UNC5A: variants seen among roughly 807,000 people sequenced by gnomAD.
UNC5A encodes the protein unc-5 netrin receptor A.
Under a neutral mutation model 87.4 loss-of-function variants are expected in UNC5A, and 20 were observed. The ratio of observed to expected loss-of-function variants is 0.23; its 90% CI spans 0.16 to 0.33. The LOEUF (loss-of-function observed/expected upper bound fraction) is 0.33. Ranked by LOEUF, UNC5A falls within the 10% of genes least tolerant of loss-of-function variation. The pLI, the probability that UNC5A is intolerant of heterozygous loss-of-function variation, is 1.00. For missense variants in UNC5A, 844 were observed against 1,133.4 expected (o/e 0.74, Z 3.67); for synonymous variants, 438 against 482.3 (o/e 0.91, Z 1.20).
intron 2 of UNC5A, among the ~76,000 whole-genome samples, chr5:176,867,903 G>A (rs1302732783): frequency 2.6e-5 from 4 of 151,950 alleles, no homozygotes; most frequent in African/African-American, 9.7e-5. Context: ...TGCCTGCCCG[G>A]GGCCTTCAGG....
At position 176,879,865 on chromosome 5, in the gene UNC5A, A is replaced by C; in HGVS notation, c.2508A>C (p.Thr836=). ...GCCAGCCAGACGCTGGCCTCTTCAC[A>C]GTGTCGGAGGCTGAGTGCTGAGGCC... ...GLGQPDAGLF[T]VSEAEC The change falls in exon 15 of 15, where the codon ACA becomes ACC. Residue 836 remains threonine, a synonymous_variant. Transcript: ENST00000329542. 6.2e-7 allele frequency: 1 copy of C among 1,611,990 alleles called. No homozygotes were observed.
intron 1 of UNC5A, among the ~76,000 whole-genome samples, chr5:176,823,710 G>C (rs1003131961): frequency 6.6e-6 from 1 of 151,822 alleles, no homozygotes. Context: ...GGGAGACCCT[G>C]GACAGGGGCA....
At chr5:176,858,833 C>G (rs540325640) in intron 1 of UNC5A, among the ~76,000 whole-genome samples, 2 of 151,688 alleles carry the variant, frequency 1.3e-5, no homozygotes, top group Non-Finnish European at 2.9e-5. Flanking sequence ...AGGAAGCTCA[C>G]GCTAGTAGCC....
intron 1 of UNC5A, among the ~76,000 whole-genome samples, chr5:176,839,521 C>G (rs1365317418): frequency 6.6e-6 from 1 of 152,262 alleles, no homozygotes; most frequent in Non-Finnish European, 1.5e-5. Flanking sequence ...TCTGGACAGT[C>G]TCAGGCTGTC....
At chr5:176,850,799 G>A (rs1757522848) in intron 1 of UNC5A, among the ~76,000 whole-genome samples, 3 of 152,196 alleles carry the variant, frequency 2.0e-5, no homozygotes, top group South Asian at 4.1e-4. Context: ...TGCTGAGAAT[G>A]GGAATCAAAG....
At chr5:176,826,931 G>A (rs1405038603) in intron 1 of UNC5A, among the ~76,000 whole-genome samples, 3 of 151,968 alleles carry the variant, frequency 2.0e-5, no homozygotes, top group African/African-American at 4.8e-5. Flanking sequence ...GAGCCACCGC[G>A]CCCGGCCCAA....
Position 176,877,221 on chromosome 5 carries a change from A to G in UNC5A, c.1408A>G (p.Ile470Val), listed in dbSNP as rs761537189. 7 of 1,612,640 alleles carry G rather than the reference A, an allele frequency of 4.3e-6. No individual in the cohort carries two copies. The Admixed American group carries it at 1.2e-4, about 27-fold the overall frequency. Residue 470 changes from isoleucine to valine, a missense_variant, in exon 9 of 15, where the codon ATA (isoleucine) becomes GTA (valine). This residue lies in a region of UNC5A where 353 missense variants were observed against 387.5 expected (regional missense o/e 0.91). Coordinates refer to ENST00000329542, the MANE Select transcript of UNC5A (RefSeq NM_133369.3). The part of the protein sequence containing the change: ...GISLLIPPDA[I>V]PRGKIYEIYL... ...CAGCCTCCTCATCCCCCCAGATGCC[A>G]TACCCCGAGGGAAGATCTATGAGAT...
chr5:176,861,793 G>A (rs1003671979), intron 1 of UNC5A, among the ~76,000 whole-genome samples: 2 of 146,138 alleles, frequency 1.4e-5, no homozygotes, highest in South Asian at 2.2e-4. Context: ...TTGTGAATGC[G>A]CATTGGTGGG....
chr5:176,822,699 C>T (rs1756756394), intron 1 of UNC5A, among the ~76,000 whole-genome samples: 1 of 152,232 alleles, frequency 6.6e-6, no homozygotes, highest in Non-Finnish European at 1.5e-5. Context: ...TCCCTGGGCA[C>T]CCCCTGCCTC....
intron 1 of UNC5A, among the ~76,000 whole-genome samples, chr5:176,811,040 C>G (rs11135001): frequency 0.55 from 83,664 of 152,086 alleles, 24,678 homozygotes; most frequent in South Asian, 0.77. Context: ...GAGCAGCTGT[C>G]AGCCCGCGGG....
chr5:176,867,344 C>T (rs547038328), intron 2 of UNC5A, among the ~76,000 whole-genome samples: 224 of 152,262 alleles, frequency 1.5e-3, no homozygotes, highest in African/African-American at 4.7e-3. Context: ...GGGGCTGAGT[C>T]CAGCCTGGAG....
intron 1 of UNC5A, among the ~76,000 whole-genome samples, chr5:176,814,594 A>G (rs1312145221): frequency 1.3e-5 from 2 of 152,164 alleles, no homozygotes; most frequent in Admixed American, 1.3e-4. Flanking sequence ...CCTCCCCTGC[A>G]AAGGGGTCCT....
intron 1 of UNC5A, among the ~76,000 whole-genome samples, chr5:176,813,124 C>T (rs1164346465): frequency 6.6e-6 from 1 of 152,238 alleles, no homozygotes; most frequent in African/African-American, 2.4e-5. Context: ...CCTGCAGGCC[C>T]TCTCTGTGCC....
intron 1 of UNC5A, among the ~76,000 whole-genome samples, chr5:176,817,552 C>G (rs998302118): frequency 6.6e-6 from 1 of 152,038 alleles, no homozygotes; most frequent in Non-Finnish European, 1.5e-5. Context: ...CTGCATCTTT[C>G]CAGCACCGCC....
intron 2 of UNC5A, among the ~76,000 whole-genome samples, chr5:176,867,894 G>T (rs11954962): frequency 0.079 from 12,050 of 152,072 alleles, 531 homozygotes; most frequent in Admixed American, 0.15. Flanking sequence ...GGTCTACCCT[G>T]CCTGCCCGGG....
chr5:176,828,087 A>G (rs1447903926), intron 1 of UNC5A, among the ~76,000 whole-genome samples: 2 of 149,602 alleles, frequency 1.3e-5, no homozygotes, highest in African/African-American at 2.5e-5. Flanking sequence ...CCCCTCCTCC[A>G]CACCCACCCC....
intron 1 of UNC5A, among the ~76,000 whole-genome samples, chr5:176,837,886 GGCTTCCTAACCTCCGGACTCT>G (rs1274093412): frequency 2.6e-5 from 4 of 152,060 alleles, no homozygotes; most frequent in Non-Finnish European, 4.4e-5. Context: ...CTGCGGACTC[GGCTTCCTAACCTCCGGACTCT>G]GCTTCCTAAC....
At chr5:176,870,233 TG>T in intron 5 of UNC5A, 136 bp from the exon 6 acceptor site, 1 of 1,098,050 alleles carries the variant, frequency 9.1e-7, no homozygotes, top group Non-Finnish European at 1.3e-6. Flanking sequence ...ATCGTGGGCC[TG>T]GCCCTGGCTT....
At chr5:176,873,678 C>T (rs944002789) in intron 6 of UNC5A, among the ~76,000 whole-genome samples, 1 of 152,196 alleles carries the variant, frequency 6.6e-6, no homozygotes, top group South Asian at 2.1e-4. Context: ...AGGTTATCCG[C>T]TCTGGGGAAG....
Sources: allele counts gnomAD v4.1 joint callset (sites outside exome capture counted in the v4.1 genomes callset), GRCh38; gene constraint gnomAD v4.1.1; regional missense constraint gnomAD v4.1.1; transcripts MANE v1.5; gene names NCBI Gene and HGNC (gene_info 2026-07-23, HGNC 2026-07-21).